Variants in SV2C observed in about 807,000 individuals in gnomAD.
The protein encoded by SV2C is solute carrier family 22 member B3.
SV2C carries 49 observed loss-of-function variants against 79.7 expected under a neutral mutation model. The ratio of observed to expected loss-of-function variants is 0.61; its 90% CI spans 0.49 to 0.78. The LOEUF is 0.78. Ranked by LOEUF, SV2C falls within the 30% of genes least tolerant of loss-of-function variation. The pLI, the probability that SV2C is intolerant of heterozygous loss-of-function variation, is 0.00. For missense variants in SV2C, 833 were observed against 912.9 expected, an observed-to-expected ratio of 0.91 and a Z score of 1.13; for synonymous variants, 334 against 333.2, an observed-to-expected ratio of 1.00 and a Z score of -0.03.
the SV2C span, among the ~76,000 whole-genome samples, chr5:75,906,981 T>C: frequency 0.017 from 2,521 of 152,340 alleles, 36 homozygotes; most frequent in African/African-American, 0.043. Context: ...TCAAGAGCGC[T>C]GATATTGAGA....
intron 4 of SV2C, among the ~76,000 whole-genome samples, chr5:76,213,099 G>C (rs1263157388): frequency 6.6e-6 from 1 of 152,256 alleles, no homozygotes; most frequent in South Asian, 2.1e-4. Context: ...ATAATGACCA[G>C]GTTACGAAAT....
At position 76,312,141 on chromosome 5, in the gene SV2C, G is replaced by C. The variant is rs547552795; in HGVS notation, c.2000+10596G>C. The stretch of plus-strand genomic sequence containing the variant: ...CTGTTCCAGCTCATTCCAGTTCTAG[G>C]TTTTGGCCTTTATGTTTCTCTGCGT... On this transcript the variant is annotated intron_variant, in intron 12 of 12. Transcript: ENST00000502798. 1.8e-4 allele frequency among the ~76,000 whole-genome samples: 28 copies of C among 151,942 alleles called. No homozygotes were observed. The South Asian group carries it at 5.2e-3, about 28-fold the overall frequency.
chr5:76,056,797 A>G, the SV2C span, among the ~76,000 whole-genome samples: 1 of 151,554 alleles, frequency 6.6e-6, no homozygotes, highest in Non-Finnish European at 1.5e-5. Flanking sequence ...ATTTGAATAG[A>G]GGTGTTTATA....
At chr5:75,862,947 G>A in the SV2C span, among the ~76,000 whole-genome samples, 1 of 152,192 alleles carries the variant, frequency 6.6e-6, no homozygotes, top group East Asian at 1.9e-4. Flanking sequence ...CACGGAACGG[G>A]GAGCATATCT....
chr5:76,006,232 AG>A, the SV2C span, among the ~76,000 whole-genome samples: 1 of 152,126 alleles, frequency 6.6e-6, no homozygotes, highest in African/African-American at 2.4e-5. Flanking sequence ...ACCCAGTGCC[AG>A]CTTCATGGAC....
At chr5:76,112,703 G>A (rs1748131778) in intron 1 of SV2C, among the ~76,000 whole-genome samples, 1 of 152,242 alleles carries the variant, frequency 6.6e-6, no homozygotes, top group South Asian at 2.1e-4. Context: ...TGGTGAGAAA[G>A]TGACAAGTGT....
At chr5:76,008,108 A>G in the SV2C span, among the ~76,000 whole-genome samples, 1 of 152,206 alleles carries the variant, frequency 6.6e-6, no homozygotes, top group Non-Finnish European at 1.5e-5. Flanking sequence ...TTCCCACAGC[A>G]ATGACCAAGA....
intron 1 of SV2C, among the ~76,000 whole-genome samples, chr5:76,094,965 C>CT (rs1227310562): frequency 1.3e-5 from 2 of 151,664 alleles, no homozygotes; most frequent in African/African-American, 4.8e-5. Context: ...CAATTTTTCT[C>CT]TTTTTTTTCC....
the SV2C span, among the ~76,000 whole-genome samples, chr5:76,049,797 G>A: frequency 6.6e-6 from 1 of 152,102 alleles, no homozygotes; most frequent in Admixed American, 6.5e-5. Context: ...TTCACTATAT[G>A]TTGATTTTGC....
intron 2 of SV2C, among the ~76,000 whole-genome samples, chr5:76,186,834 A>C: frequency 6.6e-6 from 1 of 152,096 alleles, no homozygotes; most frequent in Admixed American, 6.5e-5. Context: ...GCCCCTTATA[A>C]AATCATCAGA....
intron 1 of SV2C, among the ~76,000 whole-genome samples, chr5:76,086,031 A>C (rs1415587919): frequency 6.6e-6 from 1 of 152,182 alleles, no homozygotes; most frequent in Non-Finnish European, 1.5e-5. Flanking sequence ...GCTCTGGATC[A>C]CATCTGAGTG....
At chr5:76,136,193 CATCCTGTGCT>C (rs1749063838) in intron 2 of SV2C, among the ~76,000 whole-genome samples, 1 of 152,228 alleles carries the variant, frequency 6.6e-6, no homozygotes, top group Non-Finnish European at 1.5e-5. Context: ...AATAGTGAAA[CATCCTGTGCT>C]TCTTTTATCC....
chr5:76,078,796 A>C, upstream of SV2C: 1 of 587,302 alleles, frequency 1.7e-6, no homozygotes, highest in Non-Finnish European at 3.4e-6. Context: ...CTGGCAGGTT[A>C]ATGGCTAGTT....
chr5:76,309,740 G>A (rs572763825), intron 12 of SV2C, among the ~76,000 whole-genome samples: 4 of 151,274 alleles, frequency 2.6e-5, no homozygotes, highest in Admixed American at 2.0e-4. Context: ...GATGTTAGGG[G>A]GAAGAAAAGA....
chr5:76,353,190 C>T (rs1436155984), exon 13 of SV2C: 2 of 417,122 alleles, frequency 4.8e-6, no homozygotes, highest in Admixed American at 2.6e-5. Context: ...AGCAATCCTC[C>T]TGCCTCAGCC....
intron 2 of SV2C, among the ~76,000 whole-genome samples, chr5:76,188,596 T>C (rs950022525): frequency 2.6e-5 from 4 of 152,088 alleles, no homozygotes; most frequent in African/African-American, 9.7e-5. Context: ...AAGTTATTTT[T>C]CCCCCATCTT....
At chr5:76,273,605 A>G (rs982874971) in intron 4 of SV2C, among the ~76,000 whole-genome samples, 23 of 152,174 alleles carry the variant, frequency 1.5e-4, no homozygotes, top group African/African-American at 5.6e-4. Flanking sequence ...GCATAATGTG[A>G]CTTCCTTCCA....
At chr5:75,904,482 C>G in the SV2C span, among the ~76,000 whole-genome samples, 1 of 151,952 alleles carries the variant, frequency 6.6e-6, no homozygotes, top group Non-Finnish European at 1.5e-5. Context: ...CTTGTGACTT[C>G]TCACCCTCTT....
At chr5:76,038,880 C>T in the SV2C span, among the ~76,000 whole-genome samples, 1 of 152,202 alleles carries the variant, frequency 6.6e-6, no homozygotes, top group Non-Finnish European at 1.5e-5. Context: ...AGTCAATATG[C>T]ACCTTTACTT....
Sources: gnomAD v4.1 joint callset for allele counts (sites outside exome capture counted in the v4.1 genomes callset) on GRCh38, gnomAD v4.1.1 for gene constraint, MANE v1.5 for transcripts, NCBI Gene and HGNC (gene_info 2026-07-23, HGNC 2026-07-21) for gene names.